The following H4C15 variants were observed in gnomAD, a reference collection of about 807,000 sequenced individuals.
H4C15 encodes H4 clustered histone 15.
At chr1:149,845,704 T>G in the H4C15 span, 4 of 152,220 alleles carry the variant, frequency 2.6e-5, no homozygotes, top group Admixed American at 6.5e-5. Flanking sequence ...TGCAGAGATT[T>G]TGTCTTTTAA....
the H4C15 span, chr1:149,848,095 T>C: frequency 6.6e-6 from 1 of 152,224 alleles, no homozygotes. Flanking sequence ...TTTAGTTTAT[T>C]TAAAATTTTT....
chr1:149,845,618 A>C, the H4C15 span: 1 of 152,272 alleles, frequency 6.6e-6, no homozygotes, highest in Non-Finnish European at 1.5e-5. Context: ...ACAGTGACCA[A>C]GGGAAAGTTT....
downstream of H4C15, chr1:149,849,047 C>T (rs781974535): frequency 2.0e-5 from 3 of 152,198 alleles, no homozygotes; most frequent in Non-Finnish European, 4.4e-5. Flanking sequence ...AGTGTCCCAA[C>T]GAATATCTTC....
chr1:149,850,169 A>G, downstream of H4C15: 1 of 637,002 alleles, frequency 1.6e-6, no homozygotes, highest in Non-Finnish European at 2.8e-6. Context: ...ACTTATAGCA[A>G]TGCCTATGTG....
chr1:149,847,141 C>T, the H4C15 span: 1 of 152,244 alleles, frequency 6.6e-6, no homozygotes. Context: ...CCTTCTATCG[C>T]CTCCTTCTAC....
chr1:149,858,641 A>G (rs1363014692), downstream of H4C15, among the ~76,000 whole-genome samples: 1 of 82,066 alleles, frequency 1.2e-5, no homozygotes, highest in Non-Finnish European at 2.4e-5. Context: ...GGAAGAAAGG[A>G]AGGAAGGAAG....
chr1:149,847,762 G>GA, the H4C15 span: 1 of 152,298 alleles, frequency 6.6e-6, no homozygotes, highest in South Asian at 2.1e-4. Context: ...CCAAGATCAT[G>GA]CCACTGCACT....
At chr1:149,850,236 G>T, downstream of H4C15, 1 of 1,009,908 alleles carries the variant, frequency 9.9e-7, no homozygotes, top group Non-Finnish European at 1.5e-6. Context: ...TTAACCAGAC[G>T]TGAAGCCAAA....
the H4C15 span, chr1:149,845,130 GT>G: frequency 6.6e-6 from 1 of 152,166 alleles, no homozygotes; most frequent in Non-Finnish European, 1.5e-5. Context: ...GTGACTTAAT[GT>G]AATTATATTA....
At chr1:149,848,772 C>T in the H4C15 span, 1 of 152,156 alleles carries the variant, frequency 6.6e-6, no homozygotes, top group Non-Finnish European at 1.5e-5. Context: ...ATAAATGCTA[C>T]CTAGTCAATA....
the H4C15 span, chr1:149,846,548 C>T: frequency 3.3e-5 from 5 of 151,970 alleles, no homozygotes; most frequent in Non-Finnish European, 1.5e-5. Context: ...AAATTTTAAA[C>T]CTACAGAAAA....
the H4C15 span, chr1:149,847,358 G>A: frequency 2.6e-5 from 4 of 152,214 alleles, no homozygotes; most frequent in Non-Finnish European, 5.9e-5. Flanking sequence ...TACTGTTATG[G>A]GTTGAGTTGT....
chr1:149,849,856 C>T (rs1314466997), downstream of H4C15, among the ~76,000 whole-genome samples: 2 of 152,212 alleles, frequency 1.3e-5, no homozygotes, highest in African/African-American at 4.8e-5. Context: ...CCTCAGGTTT[C>T]TCGATACCAT....
the H4C15 span, chr1:149,848,010 G>A: frequency 6.6e-6 from 1 of 152,120 alleles, no homozygotes; most frequent in Non-Finnish European, 1.5e-5. Context: ...GAATAACTTT[G>A]TGTTGTTTTA....
chr1:149,858,604 AAAGAGGAAGGAAG>A (rs2092189364), downstream of H4C15, among the ~76,000 whole-genome samples: 1 of 55,848 alleles, frequency 1.8e-5, no homozygotes, highest in Non-Finnish European at 3.6e-5. Flanking sequence ...TCAAAAAAAG[AAAGAGGAAGGAAG>A]GGAAGGAAGG....
the H4C15 span, chr1:149,847,027 T>G: frequency 6.6e-6 from 1 of 152,172 alleles, no homozygotes; most frequent in South Asian, 2.1e-4. Flanking sequence ...TAAGGGAGGG[T>G]CTATTTCCAT....
At chr1:149,850,516 C>T (rs1346846677), downstream of H4C15, 2 of 834,044 alleles carry the variant, frequency 2.4e-6, no homozygotes, top group African/African-American at 3.7e-5. Flanking sequence ...TGGTGGAGCG[C>T]TTGTTGTAGT....
downstream of H4C15, among the ~76,000 whole-genome samples, chr1:149,858,636 AAAGGAAGG>A (rs1295537457): frequency 0.013 from 1,121 of 84,002 alleles, 141 homozygotes; most frequent in African/African-American, 0.06. Context: ...GGGAAGGAAG[AAAGGAAGG>A]AAGGAAGGGA....
downstream of H4C15, among the ~76,000 whole-genome samples, chr1:149,849,839 A>T (rs1249681708): frequency 7.2e-5 from 11 of 152,258 alleles, no homozygotes; most frequent in Admixed American, 7.2e-4. Context: ...AACCAATGAT[A>T]TAAAAACCTC....
Sources: gnomAD v4.1 joint callset for allele counts (sites outside exome capture counted in the v4.1 genomes callset) on GRCh38, gnomAD v4.1.1 for gene constraint, MANE v1.5 for transcripts, NCBI Gene and HGNC (gene_info 2026-07-23, HGNC 2026-07-21) for gene names.